The following SHISA9 variants were observed in gnomAD, a reference collection of about 807,000 sequenced individuals.
SHISA9 encodes shisa family member 9.
Under a neutral mutation model 38.0 loss-of-function variants are expected in SHISA9, and 13 were observed. The ratio of observed to expected loss-of-function variants is 0.34; its 90% CI spans 0.22 to 0.54. The LOEUF is 0.54. Among genes scored for constraint, SHISA9 ranks in the 20% least tolerant of loss-of-function variants. SHISA9 has a pLI of 0.91. For synonymous variants in SHISA9, 275 were observed against 242.0 expected (o/e 1.14, Z -1.27); for missense variants, 538 against 575.8 (o/e 0.93, Z 0.67).
chr16:13,439,449 A>G, the SHISA9 span, among the ~76,000 whole-genome samples: 1 of 152,192 alleles, frequency 6.6e-6, no homozygotes, highest in African/African-American at 2.4e-5. Context: ...CACAACATAT[A>G]CATGTATCAA....
At chr16:13,484,718 T>C in the SHISA9 span, among the ~76,000 whole-genome samples, 1 of 152,166 alleles carries the variant, frequency 6.6e-6, no homozygotes, top group South Asian at 2.1e-4. Flanking sequence ...CTTACAATCA[T>C]GGTGGAAGGT....
intron 2 of SHISA9, among the ~76,000 whole-genome samples, chr16:13,173,510 G>A (rs751663917): frequency 5.9e-5 from 9 of 152,012 alleles, no homozygotes; most frequent in Admixed American, 2.6e-4. Context: ...GTTTCTGCCC[G>A]CGTGGACCTA....
the SHISA9 span, among the ~76,000 whole-genome samples, chr16:13,326,593 T>C: frequency 1.3e-5 from 2 of 152,206 alleles, no homozygotes; most frequent in African/African-American, 4.8e-5. Context: ...TAGTGTCGCA[T>C]GCCTGTAATC....
At chr16:13,358,739 G>C in the SHISA9 span, among the ~76,000 whole-genome samples, 1 of 152,202 alleles carries the variant, frequency 6.6e-6, no homozygotes, top group Non-Finnish European at 1.5e-5. Flanking sequence ...ACCAACATAA[G>C]ACTGTTGACA....
At chr16:13,382,366 A>T in the SHISA9 span, among the ~76,000 whole-genome samples, 1 of 151,748 alleles carries the variant, frequency 6.6e-6, no homozygotes. Context: ...CGTCTCTACT[A>T]AAAATACAAA....
the SHISA9 span, among the ~76,000 whole-genome samples, chr16:13,349,067 G>A: frequency 6.6e-6 from 1 of 152,100 alleles, no homozygotes; most frequent in Non-Finnish European, 1.5e-5. Context: ...GCCTGGTAAG[G>A]GGCTCTTTGT....
At chr16:13,274,023 GA>G in the SHISA9 span, among the ~76,000 whole-genome samples, 2 of 152,000 alleles carry the variant, frequency 1.3e-5, no homozygotes, top group Non-Finnish European at 2.9e-5. Context: ...GTGTGACCTT[GA>G]AAAAAATCAC....
the SHISA9 span, among the ~76,000 whole-genome samples, chr16:13,293,962 T>G: frequency 6.6e-6 from 1 of 152,158 alleles, no homozygotes; most frequent in Non-Finnish European, 1.5e-5. Flanking sequence ...GTGCGAAGGG[T>G]TGGGGTACCC....
intron 2 of SHISA9, among the ~76,000 whole-genome samples, chr16:12,922,115 T>G (rs2071336021): frequency 6.6e-6 from 1 of 152,234 alleles, no homozygotes; most frequent in Non-Finnish European, 1.5e-5. Flanking sequence ...CCTTTTCTTG[T>G]GATACAGGTG....
At chr16:13,272,135 G>A in the SHISA9 span, among the ~76,000 whole-genome samples, 4 of 151,494 alleles carry the variant, frequency 2.6e-5, no homozygotes, top group African/African-American at 9.7e-5. Context: ...GACGGTGGTT[G>A]CATCACTTGG....
At chr16:13,465,528 G>A in the SHISA9 span, among the ~76,000 whole-genome samples, 1 of 152,176 alleles carries the variant, frequency 6.6e-6, no homozygotes, top group African/African-American at 2.4e-5. Flanking sequence ...CACAGGATTT[G>A]GCATAAGGAG....
intron 2 of SHISA9, among the ~76,000 whole-genome samples, chr16:12,930,923 C>G (rs2071453660): frequency 6.6e-6 from 1 of 152,130 alleles, no homozygotes; most frequent in Admixed American, 6.6e-5. Flanking sequence ...ATGGCAAGCC[C>G]CAAGCCCTGG....
At chr16:13,001,210 G>A (rs375843173) in intron 2 of SHISA9, among the ~76,000 whole-genome samples, 2 of 152,210 alleles carry the variant, frequency 1.3e-5, no homozygotes, top group Admixed American at 6.5e-5. Context: ...TTACAGGCGT[G>A]AGCCACCGTG....
chr16:13,035,578 T>C (rs1206313466), intron 2 of SHISA9, among the ~76,000 whole-genome samples: 2 of 151,990 alleles, frequency 1.3e-5, no homozygotes, highest in Non-Finnish European at 2.9e-5. Context: ...TCACCCCGGC[T>C]GGAGTGCACT....
At chr16:13,019,956 T>TCC (rs1567184283) in intron 2 of SHISA9, among the ~76,000 whole-genome samples, 9 of 60,188 alleles carry the variant, frequency 1.5e-4, no homozygotes, top group South Asian at 5.3e-4. Context: ...TCTTTCTTTC[T>TCC]TTCCCTCCTT....
chr16:13,031,110 C>T (rs936388487), intron 2 of SHISA9, among the ~76,000 whole-genome samples: 2 of 152,144 alleles, frequency 1.3e-5, no homozygotes, highest in Non-Finnish European at 1.5e-5. Flanking sequence ...AACCAGGTCC[C>T]GCGGGGCACT....
intron 2 of SHISA9, among the ~76,000 whole-genome samples, chr16:12,920,903 G>T (rs1384289772): frequency 6.6e-6 from 1 of 152,156 alleles, no homozygotes; most frequent in Non-Finnish European, 1.5e-5. Context: ...TAGAATTTTG[G>T]TTGTGCAGTA....
At chr16:13,119,119 C>T (rs139604199) in intron 2 of SHISA9, among the ~76,000 whole-genome samples, 50 of 152,248 alleles carry the variant, frequency 3.3e-4, no homozygotes, top group East Asian at 7.7e-4. Context: ...CCGCCCACTT[C>T]GGCCTCCCAA....
chr16:12,908,467 C>T (rs1371038873), intron 1 of SHISA9: 1 of 1,552,082 alleles, frequency 6.4e-7, no homozygotes, highest in Admixed American at 2.0e-5. Flanking sequence ...ATACCCTTCC[C>T]CCATGAGGTA....
Sources: allele counts gnomAD v4.1 joint callset (sites outside exome capture counted in the v4.1 genomes callset), GRCh38; gene constraint gnomAD v4.1.1; transcripts MANE v1.5; gene names NCBI Gene and HGNC (gene_info 2026-07-23, HGNC 2026-07-21).